ANO6: variants seen among roughly 807,000 people sequenced by gnomAD.
The protein encoded by ANO6 is anoctamin-6.
Under a neutral mutation model 117.5 loss-of-function variants are expected in ANO6, and 106 were observed. The observed-to-expected ratio is 0.90, with a 90% CI of 0.77 to 1.06. The LOEUF (loss-of-function observed/expected upper bound fraction) is 1.06. Among genes scored for constraint, ANO6 ranks in the 50% least tolerant of loss-of-function variants. The probability of loss-of-function intolerance (pLI) is 0.00; values close to 1 mark genes in which losing one functional copy is unlikely to be tolerated. For synonymous variants in ANO6, 367 were observed against 385.1 expected, an observed-to-expected ratio of 0.95 and a Z score of 0.55; for missense variants, 955 against 1,121.1, an observed-to-expected ratio of 0.85 and a Z score of 2.12.
At chr12:45,316,351 G>C (rs144296424) in intron 2 of ANO6, among the ~76,000 whole-genome samples, 4 of 152,084 alleles carry the variant, frequency 2.6e-5, no homozygotes. Flanking sequence ...GAAGTATAAG[G>C]TGTGCTGTGA....
chr12:45,303,172 C>G (rs1283513867), intron 2 of ANO6, among the ~76,000 whole-genome samples: 1 of 152,170 alleles, frequency 6.6e-6, no homozygotes, highest in South Asian at 2.1e-4. Context: ...GGTGTACTAG[C>G]AGATTGCCTA....
At position 45,430,837 on chromosome 12, in the gene ANO6, A is replaced by T; in HGVS notation, c.*1526A>T. On this transcript the variant is annotated 3_prime_UTR_variant, in exon 20 of 20. Transcript: ENST00000320560. ...CAGGGAGCCAGGCCCTCTCACCCCT[A>T]CTGGTAACAGGTCATTGCTGGGTGC... 6 of 985,346 alleles carry T rather than the reference A, an allele frequency of 6.1e-6. No homozygotes were observed. The highest frequency in any genetic ancestry group is 7.2e-6 in the Non-Finnish European group (6 of 829,990). The allele number at this position is 985,346 out of a possible 1,614,324, so 61.0% of individuals were successfully genotyped here. A position where few individuals can be genotyped will look rare whatever the true frequency, so the allele number is the denominator to read the frequency against.
At chr12:45,371,386 G>A (rs1456081621) in intron 9 of ANO6, among the ~76,000 whole-genome samples, 3 of 152,222 alleles carry the variant, frequency 2.0e-5, no homozygotes, top group South Asian at 4.1e-4. Flanking sequence ...GCCTGCCTCT[G>A]TAGGCTCCAC....
intron 16 of ANO6, among the ~76,000 whole-genome samples, chr12:45,410,486 C>A (rs1034078791): frequency 2.0e-5 from 3 of 152,160 alleles, no homozygotes; most frequent in Non-Finnish European, 1.5e-5. Flanking sequence ...CTCTCAGTTG[C>A]CTTTAAACGG....
intron 2 of ANO6, among the ~76,000 whole-genome samples, chr12:45,318,477 G>A (rs1456756214): frequency 1.3e-5 from 2 of 152,128 alleles, no homozygotes; most frequent in Non-Finnish European, 2.9e-5. Context: ...TGTTCCATTG[G>A]TCGATATCTC....
chr12:45,285,098 A>C (rs1262475682), intron 1 of ANO6, among the ~76,000 whole-genome samples: 1 of 152,250 alleles, frequency 6.6e-6, no homozygotes, highest in Non-Finnish European at 1.5e-5. Context: ...GAGTAAAAAT[A>C]CTTAAATTTC....
At chr12:45,287,905 A>G (rs1342436727) in intron 1 of ANO6, among the ~76,000 whole-genome samples, 2 of 152,176 alleles carry the variant, frequency 1.3e-5, no homozygotes, top group African/African-American at 2.4e-5. Context: ...AACCCCATAT[A>G]AGTCTTAGAT....
chr12:45,370,559 T>A (rs568705724), intron 9 of ANO6, among the ~76,000 whole-genome samples: 2 of 152,192 alleles, frequency 1.3e-5, no homozygotes, highest in African/African-American at 2.4e-5. Context: ...ACTTAGAAGA[T>A]TGCATTGACT....
intron 1 of ANO6, 56 bp from the exon 2 acceptor site, chr12:45,301,958 T>G (rs76030496): frequency 0.019 from 27,858 of 1,446,626 alleles, 632 homozygotes; most frequent in East Asian, 0.1. Context: ...AGTACAGAAC[T>G]ACGTGAGCCA....
intron 16 of ANO6, among the ~76,000 whole-genome samples, chr12:45,412,428 A>G (rs866190442): frequency 2.0e-5 from 3 of 152,194 alleles, no homozygotes; most frequent in Non-Finnish European, 1.5e-5. Flanking sequence ...TGCTAAAACA[A>G]TGACCTTCAT....
chr12:45,439,772 T>C (rs375686917), exon 20 of ANO6: 6 of 1,550,966 alleles, frequency 3.9e-6, no homozygotes, highest in African/African-American at 1.4e-5. Flanking sequence ...TATAGGTTTG[T>C]CGATGAAATT....
At chr12:45,228,625 T>A (rs999496123) in intron 1 of ANO6, among the ~76,000 whole-genome samples, 1 of 152,160 alleles carries the variant, frequency 6.6e-6, no homozygotes, top group African/African-American at 2.4e-5. Context: ...TACATGATTC[T>A]GTTCTTAGGA....
At chr12:45,236,571 T>C (rs1947648580) in intron 1 of ANO6, among the ~76,000 whole-genome samples, 1 of 152,240 alleles carries the variant, frequency 6.6e-6, no homozygotes, top group South Asian at 2.1e-4. Context: ...TCCTTTTTTA[T>C]GGTTGCATAG....
In ANO6 at chr12:45,283,994, G is replaced by A. The variant is rs148779420; in HGVS notation, c.71-18020G>A. On this transcript the variant is annotated intron_variant, in intron 1 of 19. Transcript: ENST00000320560. ...GGTTTGCTGAAAATCACTGACAAGA[G>A]GCAGATTAATAGGATAAAAGGCATA... 7.6e-3 allele frequency among the ~76,000 whole-genome samples: 1,152 copies of A among 152,254 alleles called. 9 individuals carry two copies. The highest frequency in any genetic ancestry group is 0.02 in the Middle Eastern group (6 of 294).
chr12:45,388,318 A>G lies in ANO6; in HGVS notation c.1308+15A>G. 6.2e-7 allele frequency: 1 copy of G among 1,613,788 alleles called. No homozygotes were observed. Among genetic ancestry groups the G allele is most frequent in the South Asian group, 1.1e-5 (1 of 91,070 alleles). ...AGATTACTCAGGTAAGCAGGGTCGT[A>G]TTTAGGTGCAGTTTAATCTACTTAC... On this transcript the variant is annotated intron_variant, in intron 11 of 19. Transcript: ENST00000320560.
rs1943637885 is a variant in ANO6, at chr12:45,431,731, T to C, written c.*2420T>C. 5 of 985,330 alleles carry C rather than the reference T, an allele frequency of 5.1e-6. No individual in the cohort carries two copies. Among genetic ancestry groups the C allele is most frequent in the African/African-American group, 1.7e-5 (1 of 57,230 alleles). 61.0% of individuals were successfully genotyped at this position (985,330 alleles called of 1,614,324 possible). A position where few individuals can be genotyped will look rare whatever the true frequency, so the allele number is the denominator to read the frequency against. Reference sequence around the variant, plus strand: ...GTGTCTGCAGACAATGGTGGCTGCATCTGTAAGTGGCTTCAGAGGCAGCAG... The same window carrying C: ...GTGTCTGCAGACAATGGTGGCTGCACCTGTAAGTGGCTTCAGAGGCAGCAG... On this transcript the variant is annotated 3_prime_UTR_variant, in exon 20 of 20. Transcript: ENST00000320560.
intron 6 of ANO6, among the ~76,000 whole-genome samples, chr12:45,349,253 G>A (rs946760862): frequency 1.4e-4 from 21 of 152,038 alleles, no homozygotes; most frequent in African/African-American, 4.8e-4. Context: ...TTTGGAATAC[G>A]ATTTTCAAAC....
At chr12:45,408,681 G>T (rs1454077913) in intron 15 of ANO6, among the ~76,000 whole-genome samples, 7 of 151,968 alleles carry the variant, frequency 4.6e-5, no homozygotes, top group Non-Finnish European at 7.4e-5. Context: ...TTCCTACTTG[G>T]TGCCCTCCAA....
At chr12:45,406,917 T>C (rs1294172985) in intron 15 of ANO6, among the ~76,000 whole-genome samples, 1 of 152,180 alleles carries the variant, frequency 6.6e-6, no homozygotes, top group Non-Finnish European at 1.5e-5. Context: ...TTGTACAAAA[T>C]AAGGACCTAG....
Sources: gnomAD v4.1 joint callset for allele counts (sites outside exome capture counted in the v4.1 genomes callset) on GRCh38, gnomAD v4.1.1 for gene constraint, MANE v1.5 for transcripts, NCBI Gene and HGNC (gene_info 2026-07-23, HGNC 2026-07-21) for gene names.